PRPSAP1: variants seen among roughly 807,000 people sequenced by gnomAD.
The protein encoded by PRPSAP1 is phosphoribosyl pyrophosphate synthetase associated protein 1, also known as phosphoribosyl pyrophosphate synthase-associated protein 1.
Under a neutral mutation model 39.4 loss-of-function variants are expected in PRPSAP1, and 31 were observed. The ratio of observed to expected loss-of-function variants is 0.79; its 90% CI spans 0.59 to 1.06. The LOEUF is 1.06. PRPSAP1 is among the 50% of genes least tolerant of loss of function. The pLI is 0.00. For synonymous variants in PRPSAP1, 212 were observed against 192.6 expected (o/e 1.10, Z -0.83); for missense variants, 430 against 511.6 (o/e 0.84, Z 1.54).
chr17:76,314,520 T>C (rs2071102737), intron 7 of PRPSAP1: 1 of 152,334 alleles, frequency 6.6e-6, no homozygotes. Context: ...CCCAACCTGA[T>C]ATAAAAATTA....
At chr17:76,343,812 G>A (rs887832652) in intron 3 of PRPSAP1, among the ~76,000 whole-genome samples, 8 of 152,138 alleles carry the variant, frequency 5.3e-5, no homozygotes, top group Non-Finnish European at 8.8e-5. Flanking sequence ...TCCAGCCGGG[G>A]TGACAGAGTG....
In PRPSAP1 at chr17:76,310,640, G is replaced by GT. The variant is rs1202079988; in HGVS notation, c.*901dup. ...TGCTACCAATGCCTGGCTAATTTTT[G>GT]TATTTTTTGTAGACATGGGGGTTTC... On this transcript the variant is annotated 3_prime_UTR_variant, in exon 10 of 10. Transcript: ENST00000446526. The GT allele has an allele frequency of 6.6e-6, 1 of 150,406 alleles. No individual in the cohort carries two copies. The highest frequency in any genetic ancestry group is 1.5e-5 in the Non-Finnish European group (1 of 67,700). The allele number at this position is 150,406 out of a possible 1,614,324, so 9.3% of individuals were successfully genotyped here.
At chr17:76,340,858 C>T (rs1469660667) in intron 3 of PRPSAP1, among the ~76,000 whole-genome samples, 2 of 148,898 alleles carry the variant, frequency 1.3e-5, no homozygotes, top group African/African-American at 2.5e-5. Flanking sequence ...ACCGAGATCG[C>T]GCCATTGCAC....
In PRPSAP1 at chr17:76,332,264, T is replaced by G. The variant is rs767393790; in HGVS notation, c.462A>C (p.Ala154=). The change falls in exon 4 of 10, where the codon GCA becomes GCC. Residue 154 remains alanine, a splice_region_variant and synonymous_variant. Transcript: ENST00000446526. ...CKLLASMLAK[A]GLTHIITMDL... Reference sequence around the variant, plus strand: ...CCCAGGGCCCCCGCGCACACTCACCTGCTTTCGCCAGCATGGATGCTAGCA... The same window carrying G: ...CCCAGGGCCCCCGCGCACACTCACCGGCTTTCGCCAGCATGGATGCTAGCA... 6.2e-7 allele frequency: 1 copy of G among 1,614,000 alleles called. No homozygotes were observed. Among genetic ancestry groups the G allele is most frequent in the South Asian group, 1.1e-5 (1 of 91,078 alleles).
At position 76,330,543 on chromosome 17, in the gene PRPSAP1, T is replaced by TTC; in HGVS notation, c.579+6_579+7dup. 1.3e-6 allele frequency: 2 copies of TTC among 1,562,524 alleles called. No individual in the cohort carries two copies. The highest frequency in any genetic ancestry group is 1.8e-6 in the Non-Finnish European group (2 of 1,140,652). ...AGGACAATGGGGTGTTTGCTGGTGG[T>TTC]TCCTCACTTCTTCCTGGATATACTG... On this transcript the variant is annotated splice_region_variant and intron_variant, in intron 5 of 9. Coordinates refer to ENST00000446526, the MANE Select transcript of PRPSAP1 (RefSeq NM_002766.3).
At chr17:76,328,600 C>A in intron 7 of PRPSAP1, 117 bp downstream of exon 7, 2 of 1,304,002 alleles carry the variant, frequency 1.5e-6, no homozygotes, top group African/African-American at 1.5e-5. Flanking sequence ...CAGAGTGAGA[C>A]TCCATCTCAA....
chr17:76,347,838 T>A (rs2071527195), intron 2 of PRPSAP1, among the ~76,000 whole-genome samples: 1 of 151,394 alleles, frequency 6.6e-6, no homozygotes, highest in Non-Finnish European at 1.5e-5. Context: ...TGAGAAAGGG[T>A]CAGATATAAG....
intron 7 of PRPSAP1, among the ~76,000 whole-genome samples, chr17:76,320,123 AG>A (rs2071173426): frequency 6.6e-6 from 1 of 151,980 alleles, no homozygotes; most frequent in Non-Finnish European, 1.5e-5. Context: ...AGCAAAAATT[AG>A]CCGGGTGTGG....
upstream of PRPSAP1, chr17:76,354,016 C>G: frequency 8.6e-7 from 1 of 1,166,902 alleles, no homozygotes; most frequent in Non-Finnish European, 1.1e-6. Context: ...TCTCTAAAAG[C>G]CTGTTCTTCC....
At chr17:76,324,235 C>A (rs531394872) in intron 7 of PRPSAP1, among the ~76,000 whole-genome samples, 1 of 151,984 alleles carries the variant, frequency 6.6e-6, no homozygotes, top group Non-Finnish European at 1.5e-5. Flanking sequence ...TGGGTGTTCA[C>A]GCTTACATGT....
intron 2 of PRPSAP1, among the ~76,000 whole-genome samples, chr17:76,348,299 C>T (rs952341655): frequency 4.3e-4 from 66 of 151,932 alleles, no homozygotes; most frequent in African/African-American, 1.5e-3. Flanking sequence ...AGGGTGAAAC[C>T]CCATCTCTAC....
At chr17:76,325,942 A>C (rs1201910071) in intron 7 of PRPSAP1, among the ~76,000 whole-genome samples, 2 of 152,100 alleles carry the variant, frequency 1.3e-5, no homozygotes, top group Non-Finnish European at 2.9e-5. Flanking sequence ...GTATTTTTAA[A>C]TTAAGGTACG....
chr17:76,327,158 A>C (rs750205934), intron 7 of PRPSAP1, among the ~76,000 whole-genome samples: 1 of 149,586 alleles, frequency 6.7e-6, no homozygotes, highest in Non-Finnish European at 1.5e-5. Flanking sequence ...GACCAGCCTG[A>C]CCAACATGGT....
chr17:76,328,631 A>AAAC, intron 7 of PRPSAP1, 86 bp downstream of exon 7: 3 of 1,498,304 alleles, frequency 2.0e-6, no homozygotes, highest in Middle Eastern at 3.5e-4. Context: ...AAACAAAACA[A>AAAC]AACAACAACA....
chr17:76,347,304 T>C (rs913327111), intron 2 of PRPSAP1, among the ~76,000 whole-genome samples: 2 of 151,546 alleles, frequency 1.3e-5, no homozygotes, highest in Non-Finnish European at 2.9e-5. Context: ...CTGACCAACA[T>C]GGCAAAACCC....
intron 7 of PRPSAP1, among the ~76,000 whole-genome samples, chr17:76,316,031 A>T (rs144263820): frequency 0.12 from 18,359 of 151,226 alleles, 2,550 homozygotes; most frequent in African/African-American, 0.35. Flanking sequence ...TATAAAAATT[A>T]GCCAGGCATG....
At chr17:76,351,152 C>A (rs1210368351) in intron 1 of PRPSAP1, among the ~76,000 whole-genome samples, 1 of 152,178 alleles carries the variant, frequency 6.6e-6, no homozygotes, top group African/African-American at 2.4e-5. Flanking sequence ...AATCCCAGAT[C>A]GTCTGAGGTC....
chr17:76,315,700 C>CTTT (rs71161279), intron 7 of PRPSAP1, among the ~76,000 whole-genome samples: 915 of 72,674 alleles, frequency 0.013, 79 homozygotes, highest in African/African-American at 0.028. Flanking sequence ...GACCTATCCG[C>CTTT]TTTTTTTTTT....
chr17:76,336,898 C>T (rs1400760907), intron 3 of PRPSAP1, among the ~76,000 whole-genome samples: 2 of 152,044 alleles, frequency 1.3e-5, no homozygotes, highest in African/African-American at 4.8e-5. Flanking sequence ...TTGGCTTTAC[C>T]CATTCACTGA....
Sources: gnomAD v4.1 joint callset for allele counts (sites outside exome capture counted in the v4.1 genomes callset) on GRCh38, gnomAD v4.1.1 for gene constraint, MANE v1.5 for transcripts, NCBI Gene and HGNC (gene_info 2026-07-23, HGNC 2026-07-21) for gene names.